Variants in SH3RF3 observed in about 807,000 individuals in gnomAD.
The protein encoded by SH3RF3 is SH3 domain containing ring finger 3.
SH3RF3 carries 29 observed loss-of-function variants against 66.3 expected under a neutral mutation model. The observed-to-expected ratio is 0.44, with a 90% CI of 0.33 to 0.60. The LOEUF is 0.60. Ranked by LOEUF, SH3RF3 falls within the 20% of genes least tolerant of loss-of-function variation. The pLI, the probability that SH3RF3 is intolerant of heterozygous loss-of-function variation, is 0.04. For synonymous variants in SH3RF3, 583 were observed against 532.0 expected, an observed-to-expected ratio of 1.10 and a Z score of -1.32; for missense variants, 1,194 against 1,190.9, an observed-to-expected ratio of 1.00 and a Z score of -0.04.
chr2:109,432,826 C>G (rs996502349), intron 6 of SH3RF3, among the ~76,000 whole-genome samples, 155 bp downstream of exon 6: 5 of 152,234 alleles, frequency 3.3e-5, no homozygotes, highest in African/African-American at 1.2e-4. Context: ...CGTCCCCAGG[C>G]CCACATTTCA....
chr2:109,452,765 A>C (rs1167901278), intron 8 of SH3RF3, among the ~76,000 whole-genome samples: 1 of 149,412 alleles, frequency 6.7e-6, no homozygotes, highest in Non-Finnish European at 1.5e-5. Context: ...TGGTGCTGGC[A>C]GGCTGGTCCC....
intron 1 of SH3RF3, among the ~76,000 whole-genome samples, chr2:109,203,882 G>A (rs550888544): frequency 4.6e-5 from 7 of 152,302 alleles, no homozygotes; most frequent in African/African-American, 1.2e-4. Context: ...TGTTCCCTGT[G>A]CGGCCTGGCA....
intron 5 of SH3RF3, among the ~76,000 whole-genome samples, chr2:109,421,024 C>T (rs1676862843): frequency 6.6e-6 from 1 of 152,212 alleles, no homozygotes; most frequent in Non-Finnish European, 1.5e-5. Flanking sequence ...TTCACCAGCA[C>T]TGGACAAAAG....
At chr2:109,277,876 T>C (rs1026259547) in intron 1 of SH3RF3, among the ~76,000 whole-genome samples, 1 of 152,322 alleles carries the variant, frequency 6.6e-6, no homozygotes, top group African/African-American at 2.4e-5. Context: ...GCATTTCTTC[T>C]GCTGAAAGGC....
chr2:109,479,723 G>A (rs7370133), intron 8 of SH3RF3, among the ~76,000 whole-genome samples: 28,119 of 152,162 alleles, frequency 0.18, 3,159 homozygotes, highest in South Asian at 0.25. Flanking sequence ...TTAGAAAGGA[G>A]GGAATGAACC....
chr2:109,220,881 CAG>C (rs1304239194), intron 1 of SH3RF3, among the ~76,000 whole-genome samples: 2 of 152,210 alleles, frequency 1.3e-5, no homozygotes, highest in Non-Finnish European at 2.9e-5. Context: ...AATTTGAACA[CAG>C]AATTAACTAT....
At chr2:109,372,990 T>G (rs1390380332) in intron 3 of SH3RF3, among the ~76,000 whole-genome samples, 1 of 152,204 alleles carries the variant, frequency 6.6e-6, no homozygotes, top group Non-Finnish European at 1.5e-5. Flanking sequence ...TAGTCCATAG[T>G]CTATTTTGCA....
intron 4 of SH3RF3, among the ~76,000 whole-genome samples, 173 bp from the exon 5 acceptor site, chr2:109,419,366 G>A (rs530064125): frequency 2.4e-4 from 37 of 152,320 alleles, no homozygotes; most frequent in African/African-American, 8.4e-4. Context: ...AGGGGTCCCG[G>A]GCTGCCAGGC....
intron 8 of SH3RF3, among the ~76,000 whole-genome samples, chr2:109,467,649 T>C (rs1384454221): frequency 6.6e-6 from 1 of 152,222 alleles, no homozygotes; most frequent in Non-Finnish European, 1.5e-5. Context: ...AAGAACATCA[T>C]GTATTTTTGT....
intron 1 of SH3RF3, among the ~76,000 whole-genome samples, chr2:109,302,810 A>C (rs1230919389): frequency 1.3e-5 from 2 of 152,208 alleles, no homozygotes; most frequent in African/African-American, 4.8e-5. Flanking sequence ...ATGCTGGAGA[A>C]AAGTGGACAT....
chr2:109,409,651 C>T (rs950872154), intron 4 of SH3RF3, among the ~76,000 whole-genome samples: 13 of 152,112 alleles, frequency 8.5e-5, no homozygotes, highest in African/African-American at 3.1e-4. Flanking sequence ...TGCTGCCTCT[C>T]CCAGGACAGA....
chr2:109,395,177 G>A (rs564313209), intron 3 of SH3RF3, among the ~76,000 whole-genome samples: 1 of 152,352 alleles, frequency 6.6e-6, no homozygotes, highest in Non-Finnish European at 1.5e-5. Flanking sequence ...TGCGCTACTC[G>A]CATGCCTGTG....
Position 109,449,343 on chromosome 2 carries a change from C to T in SH3RF3, c.2002C>T (p.Leu668Phe). The T allele has an allele frequency of 1.2e-6, 2 of 1,606,830 alleles. No individual in the cohort carries two copies. Among genetic ancestry groups the T allele is most frequent in the African/African-American group, 1.3e-5 (1 of 74,946 alleles). The change falls in exon 8 of 10, where the codon CTC becomes TTC. Residue 668 changes from leucine to phenylalanine, a missense_variant. Leu to Phe is a conservative substitution (Grantham distance 22, BLOSUM62 0). Transcript: ENST00000309415. ...VQMCPRPAIP[L>F]TSAASAITPP... ...GATGTGCCCACGGCCGGCCATCCCC[C>T]TCACATCAGCAGCATCAGCCATCAC...
At chr2:109,312,437 T>C (rs964269766) in intron 1 of SH3RF3, among the ~76,000 whole-genome samples, 2 of 152,218 alleles carry the variant, frequency 1.3e-5, no homozygotes, top group African/African-American at 4.8e-5. Context: ...TAATGATGTT[T>C]CGACCGTCAG....
intron 1 of SH3RF3, among the ~76,000 whole-genome samples, chr2:109,168,771 C>T (rs1484015616): frequency 6.6e-6 from 1 of 152,200 alleles, no homozygotes; most frequent in Non-Finnish European, 1.5e-5. Flanking sequence ...GCCTTCTTCA[C>T]AGTAGGAATT....
chr2:109,352,040 A>G (rs1559038568), intron 2 of SH3RF3, among the ~76,000 whole-genome samples: 1 of 152,256 alleles, frequency 6.6e-6, no homozygotes, highest in Admixed American at 6.5e-5. Context: ...ACACAGATTC[A>G]AATCATGGCA....
chr2:109,303,136 A>C (rs965514571), intron 1 of SH3RF3, among the ~76,000 whole-genome samples: 4 of 152,136 alleles, frequency 2.6e-5, no homozygotes, highest in African/African-American at 9.7e-5. Context: ...TCAGCCTCAC[A>C]AGGTGCTAGG....
At chr2:109,212,133 G>A (rs1019653335) in intron 1 of SH3RF3, among the ~76,000 whole-genome samples, 1 of 152,194 alleles carries the variant, frequency 6.6e-6, no homozygotes, top group Non-Finnish European at 1.5e-5. Context: ...GGTCCGAATC[G>A]AGCCTCTGGG....
intron 4 of SH3RF3, among the ~76,000 whole-genome samples, chr2:109,399,552 G>T (rs1676247455): frequency 6.6e-6 from 1 of 152,046 alleles, no homozygotes; most frequent in South Asian, 2.1e-4. Context: ...GAGGCGGGAG[G>T]ATTGCTTGAG....
Sources: gnomAD v4.1 joint callset for allele counts (sites outside exome capture counted in the v4.1 genomes callset) on GRCh38, gnomAD v4.1.1 for gene constraint, MANE v1.5 for transcripts, NCBI Gene and HGNC (gene_info 2026-07-23, HGNC 2026-07-21) for gene names.